The following PCDHGB3 variants were observed in gnomAD, a reference collection of about 807,000 sequenced individuals.
PCDHGB3 encodes the protein protocadherin gamma subfamily B, 3.
Under a neutral mutation model 59.2 loss-of-function variants are expected in PCDHGB3, and 40 were observed. The observed-to-expected ratio is 0.68, with a 90% CI of 0.52 to 0.88. The LOEUF (loss-of-function observed/expected upper bound fraction) is 0.88. Ranked by LOEUF, PCDHGB3 falls within the 40% of genes least tolerant of loss-of-function variation. PCDHGB3 has a pLI of 0.00. For synonymous variants in PCDHGB3, 581 were observed against 503.6 expected (o/e 1.15, Z -2.06); for missense variants, 1,309 against 1,187.9 (o/e 1.10, Z -1.50).
rs760709557 is a variant in PCDHGB3, at chr5:141,384,156, C to T, written c.2415+11347C>T. The T allele has an allele frequency of 1.6e-5, 26 of 1,613,342 alleles. No homozygotes were observed. The Admixed American group carries it at 4.2e-4, about 26-fold the overall frequency. ...ACCGGGAAACACTCTCTTTGTATAA[C>T]ATCACACTGAAAGCCACAGATGGTG... On this transcript the variant is annotated intron_variant, in intron 1 of 3. Transcript: ENST00000576222.
chr5:141,465,781 T>G (rs2099109506), intron 1 of PCDHGB3, among the ~76,000 whole-genome samples: 1 of 150,278 alleles, frequency 6.7e-6, no homozygotes, highest in Non-Finnish European at 1.5e-5. Context: ...TTGTTACAGT[T>G]TTTTTTTTTT....
chr5:141,494,785 T>G, intron 1 of PCDHGB3, 22 bp from the exon 2 acceptor site: 1 of 1,614,016 alleles, frequency 6.2e-7, no homozygotes, highest in Non-Finnish European at 8.5e-7. Flanking sequence ...ACTCAGCCCC[T>G]TTCCCTCTGT....
chr5:141,383,486 T>C, intron 1 of PCDHGB3: 1 of 1,613,372 alleles, frequency 6.2e-7, no homozygotes, highest in Non-Finnish European at 8.5e-7. Context: ...GAACTGGTGC[T>C]GGAGCGGGTG....
chr5:141,487,312 TAA>T lies in PCDHGB3; in HGVS notation c.2416-7494_2416-7493del, dbSNP rs1464336630. ...TTGGCTCATTCGTGGCACTACTCTC[TAA>T]GTGTCTTCGTGGGGCAGCCTGTGGA... On this transcript the variant is annotated intron_variant, in intron 1 of 3. Transcript: ENST00000576222. The surrounding 1 kb of genome is among the most constrained non-coding windows in gnomAD (Gnocchi z 5.0). 1 of 1,614,158 alleles carries T rather than the reference TAA, an allele frequency of 6.2e-7. No homozygotes were observed. Among genetic ancestry groups the T allele is most frequent in the African/African-American group, 1.3e-5 (1 of 75,056 alleles).
At chr5:141,398,023 G>C in intron 1 of PCDHGB3, 1 of 1,438,566 alleles carries the variant, frequency 7.0e-7, no homozygotes, top group Non-Finnish European at 9.3e-7. Context: ...TCCTAAACTG[G>C]AACTGGAACT....
intron 1 of PCDHGB3, chr5:141,389,865 G>A: frequency 1.2e-6 from 2 of 1,614,080 alleles, no homozygotes; most frequent in Non-Finnish European, 1.7e-6. Flanking sequence ...GTTGCACCTG[G>A]TCTTCGCCGA....
intron 1 of PCDHGB3, chr5:141,417,766 C>G: frequency 6.9e-7 from 1 of 1,442,472 alleles, no homozygotes; most frequent in Non-Finnish European, 9.1e-7. Flanking sequence ...AGACCCGGGA[C>G]TCCTCCTGTC....
At position 141,431,353 on chromosome 5, in the gene PCDHGB3, C is replaced by T. The variant is rs1273946805; in HGVS notation, c.2415+58544C>T. 1 of 1,613,940 alleles carries T rather than the reference C, an allele frequency of 6.2e-7. No homozygotes were observed. Among genetic ancestry groups the T allele is most frequent in the Non-Finnish European group, 8.5e-7 (1 of 1,180,042 alleles). On this transcript the variant is annotated intron_variant, in intron 1 of 3. Coordinates refer to ENST00000576222, the MANE Select transcript of PCDHGB3 (RefSeq NM_018924.5). This position sits in a 1 kb window ranked among gnomAD's most constrained non-coding sequence, Gnocchi z 4.8. ...AGTACCCCGAATTGGTGCTGAAACG[C>T]GCCCTGGACCGCGAAGAAAAGGCTG...
chr5:141,434,768 T>C (rs6580188), intron 1 of PCDHGB3, among the ~76,000 whole-genome samples: 81,499 of 151,296 alleles, frequency 0.54, 23,977 homozygotes, highest in African/African-American at 0.79. Context: ...CACTTCACAC[T>C]TCTAAAAAAA....
At chr5:141,478,039 G>A (rs764777183) in intron 1 of PCDHGB3, 29 of 1,613,978 alleles carry the variant, frequency 1.8e-5, no homozygotes, top group Non-Finnish European at 2.5e-5. Flanking sequence ...ATTCACCCAG[G>A]CAGACTCTCA....
chr5:141,418,391 T>G, intron 1 of PCDHGB3: 1 of 1,614,010 alleles, frequency 6.2e-7, no homozygotes, highest in Non-Finnish European at 8.5e-7. Context: ...TAACGAGTAT[T>G]TCTCATTGGT....
chr5:141,487,933 A>ACCCTGTG lies in PCDHGB3; in HGVS notation c.2416-6873_2416-6872insCCTGTGC. 1.6e-6 allele frequency: 1 copy of ACCCTGTG among 612,004 alleles called. No individual in the cohort carries two copies. The highest frequency in any genetic ancestry group is 1.8e-5 in the African/African-American group (1 of 54,216). The allele number at this position is 612,004 out of a possible 1,614,324, so 37.9% of individuals were successfully genotyped here. On this transcript the variant is annotated intron_variant, in intron 1 of 3. Coordinates refer to ENST00000576222, the MANE Select transcript of PCDHGB3 (RefSeq NM_018924.5). The surrounding 1 kb of genome is among the most constrained non-coding windows in gnomAD (Gnocchi z 5.0). ...CACAGGAGGCTACAGTGCACAGGGT[A>ACCCTGTG]CAGTGCACCAGGCAGTCACTTGGAC... is the stretch of plus-strand genomic sequence containing the variant.
chr5:141,388,004 A>G, intron 1 of PCDHGB3: 1 of 1,482,610 alleles, frequency 6.7e-7, no homozygotes, highest in Non-Finnish European at 9.1e-7. Context: ...TTCCCGAGGA[A>G]ATGCCCAAGG....
intron 1 of PCDHGB3, chr5:141,389,758 G>A: frequency 1.2e-6 from 2 of 1,612,792 alleles, no homozygotes; most frequent in Non-Finnish European, 1.7e-6. Flanking sequence ...GGCGAAGTGC[G>A]CACAGCGCGT....
At chr5:141,384,650 C>G (rs1213467381) in intron 1 of PCDHGB3, 4 of 1,614,222 alleles carry the variant, frequency 2.5e-6, no homozygotes, top group Non-Finnish European at 3.4e-6. Context: ...TCCGCAGAGC[C>G]CGGCTACCTG....
At chr5:141,421,965 C>A in intron 1 of PCDHGB3, 1 of 1,610,360 alleles carries the variant, frequency 6.2e-7, no homozygotes, top group Non-Finnish European at 8.5e-7. Context: ...TTACACAGTC[C>A]GTATATCGCG....
intron 1 of PCDHGB3, among the ~76,000 whole-genome samples, chr5:141,439,371 TA>T (rs1008614540): frequency 7.2e-5 from 11 of 152,034 alleles, no homozygotes; most frequent in Non-Finnish European, 1.0e-4. Flanking sequence ...CAAGAAGAAA[TA>T]AAAATAAGTC....
At chr5:141,484,501 A>G (rs1185523120) in intron 1 of PCDHGB3, among the ~76,000 whole-genome samples, 2 of 152,232 alleles carry the variant, frequency 1.3e-5, no homozygotes, top group African/African-American at 4.8e-5. Flanking sequence ...GTTTCTGAAT[A>G]TTCTGCAGAA....
chr5:141,373,211 T>C (rs1258872699), intron 1 of PCDHGB3, among the ~76,000 whole-genome samples: 1 of 152,254 alleles, frequency 6.6e-6, no homozygotes, highest in Non-Finnish European at 1.5e-5. Flanking sequence ...AACACATTTT[T>C]AATGTAACCT....
Sources: gnomAD v4.1 joint callset for allele counts (sites outside exome capture counted in the v4.1 genomes callset) on GRCh38, gnomAD v4.1.1 for gene constraint, Gnocchi (gnomAD v3.1) non-coding constraint, MANE v1.5 for transcripts, NCBI Gene and HGNC (gene_info 2026-07-23, HGNC 2026-07-21) for gene names.